The following CDH18 variants were observed in gnomAD, a reference collection of about 807,000 sequenced individuals.
The protein encoded by CDH18 is cadherin 18.
CDH18 carries 31 observed loss-of-function variants against 67.9 expected under a neutral mutation model. That is an observed-to-expected ratio of 0.46 (90% CI 0.34 to 0.62). The LOEUF is 0.62. CDH18 is among the 20% of genes least tolerant of loss of function. The pLI, the probability that CDH18 is intolerant of heterozygous loss-of-function variation, is 0.01. For missense variants in CDH18, 890 were observed against 975.5 expected, an observed-to-expected ratio of 0.91 and a Z score of 1.17; for synonymous variants, 362 against 347.2, an observed-to-expected ratio of 1.04 and a Z score of -0.48.
chr5:19,895,649 C>T (rs1411230195), intron 2 of CDH18, among the ~76,000 whole-genome samples: 3 of 152,152 alleles, frequency 2.0e-5, no homozygotes, highest in African/African-American at 7.2e-5. Flanking sequence ...ATAAACCATA[C>T]AGCCATACCA....
At chr5:20,398,876 C>T (rs1580906616) in intron 1 of CDH18, among the ~76,000 whole-genome samples, 2 of 142,246 alleles carry the variant, frequency 1.4e-5, no homozygotes, top group Non-Finnish European at 3.1e-5. Context: ...CGTATACCTA[C>T]GTAGAAAACC....
intron 7 of CDH18, among the ~76,000 whole-genome samples, chr5:19,572,369 T>G (rs567210321): frequency 6.6e-6 from 1 of 152,276 alleles, no homozygotes; most frequent in South Asian, 2.1e-4. Context: ...AATAGAGAAT[T>G]TTCATTTCTA....
chr5:20,188,479 G>GTCA (rs938718899), intron 2 of CDH18, among the ~76,000 whole-genome samples: 4 of 151,718 alleles, frequency 2.6e-5, no homozygotes, highest in Non-Finnish European at 4.4e-5. Flanking sequence ...TATAATTGTT[G>GTCA]TCATCATCAT....
At chr5:20,338,571 C>T (rs1456450710) in intron 1 of CDH18, among the ~76,000 whole-genome samples, 1 of 152,202 alleles carries the variant, frequency 6.6e-6, no homozygotes, top group Middle Eastern at 3.2e-3. Context: ...CAGATGTTTG[C>T]TTCTATGCTG....
chr5:20,352,339 C>T (rs973534631), intron 1 of CDH18, among the ~76,000 whole-genome samples: 1 of 151,590 alleles, frequency 6.6e-6, no homozygotes, highest in East Asian at 1.9e-4. Context: ...CTCTAGTTTA[C>T]TTTATTGTAA....
chr5:19,997,907 T>C (rs1736138353), intron 2 of CDH18, among the ~76,000 whole-genome samples: 1 of 152,116 alleles, frequency 6.6e-6, no homozygotes, highest in East Asian at 1.9e-4. Flanking sequence ...AAAGAGATAT[T>C]ACTCTAAAAT....
chr5:19,792,650 T>G (rs1776479728), intron 3 of CDH18, among the ~76,000 whole-genome samples: 1 of 152,206 alleles, frequency 6.6e-6, no homozygotes. Context: ...AAGGTAATTT[T>G]ATGTTACAGG....
At chr5:19,741,373 C>A (rs1769195165) in intron 4 of CDH18, among the ~76,000 whole-genome samples, 1 of 149,238 alleles carries the variant, frequency 6.7e-6, no homozygotes, top group African/African-American at 2.5e-5. Context: ...TATATGACAG[C>A]CAGTACCTTA....
At chr5:19,567,450 A>G in intron 8 of CDH18, among the ~76,000 whole-genome samples, 1 of 152,156 alleles carries the variant, frequency 6.6e-6, no homozygotes, top group Non-Finnish European at 1.5e-5. Context: ...AATTCTACAA[A>G]CTTGGAGTTG....
intron 2 of CDH18, among the ~76,000 whole-genome samples, chr5:19,942,806 G>T (rs1040329326): frequency 1.3e-5 from 2 of 152,166 alleles, no homozygotes; most frequent in African/African-American, 4.8e-5. Context: ...AACCTCAGGA[G>T]CATAGCCCCT....
intron 2 of CDH18, among the ~76,000 whole-genome samples, chr5:20,162,478 G>A (rs1735966219): frequency 7.2e-6 from 1 of 137,938 alleles, no homozygotes. Context: ...ACGATATATG[G>A]TAATAGACAT....
chr5:19,509,338 C>T (rs1266884197), intron 10 of CDH18, among the ~76,000 whole-genome samples: 1 of 151,994 alleles, frequency 6.6e-6, no homozygotes, highest in African/African-American at 2.4e-5. Flanking sequence ...ACCTGTTGGG[C>T]ACAATGTTCA....
chr5:20,570,683 G>A (rs1758765372), intron 1 of CDH18, among the ~76,000 whole-genome samples: 1 of 152,148 alleles, frequency 6.6e-6, no homozygotes, highest in Non-Finnish European at 1.5e-5. Flanking sequence ...TTAGTAAACA[G>A]CAGGGCTGGC....
chr5:20,311,676 G>T (rs908127247), intron 1 of CDH18, among the ~76,000 whole-genome samples: 37 of 152,052 alleles, frequency 2.4e-4, no homozygotes, highest in African/African-American at 8.5e-4. Flanking sequence ...GATAGCATTA[G>T]GAGAAATTCC....
chr5:19,743,793 C>T (rs1251824969), intron 4 of CDH18, among the ~76,000 whole-genome samples: 1 of 151,848 alleles, frequency 6.6e-6, no homozygotes, highest in Non-Finnish European at 1.5e-5. Flanking sequence ...TGGAGGCACA[C>T]GCCTGTAATC....
chr5:19,801,760 A>C (rs1489805921), intron 3 of CDH18, among the ~76,000 whole-genome samples: 2 of 152,198 alleles, frequency 1.3e-5, no homozygotes, highest in Non-Finnish European at 2.9e-5. Flanking sequence ...CAAAGTGCAG[A>C]ATAAAAAACA....
chr5:20,045,802 A>G (rs1740844921), intron 2 of CDH18, among the ~76,000 whole-genome samples: 1 of 152,060 alleles, frequency 6.6e-6, no homozygotes, highest in Non-Finnish European at 1.5e-5. Context: ...TGTCCCTGCC[A>G]TAGAGACATC....
At chr5:19,597,720 T>C (rs1746399524) in intron 6 of CDH18, among the ~76,000 whole-genome samples, 1 of 152,200 alleles carries the variant, frequency 6.6e-6, no homozygotes, top group Non-Finnish European at 1.5e-5. Flanking sequence ...ATTGAAGGCA[T>C]AGGTGATGCT....
rs182270785 is a variant in CDH18, at chr5:19,543,090, A to G, written c.1390+779T>C. ...CAAAACATTTCCTAAATGTATGTATAACCTCTTCGTACACTTTTAAAGTGA... is the reference window on the plus strand; with the variant it reads ...CAAAACATTTCCTAAATGTATGTATGACCTCTTCGTACACTTTTAAAGTGA... On this transcript the variant is annotated intron_variant, in intron 9 of 12. Coordinates refer to ENST00000382275, the MANE Select transcript of CDH18 (RefSeq NM_004934.5). Among the ~76,000 whole-genome samples, 283 of 152,234 alleles carry G rather than the reference A, an allele frequency of 1.9e-3. 2 individuals carry two copies. The highest frequency in any genetic ancestry group is 0.017 in the Admixed American group (258 of 15,280).
Sources: gnomAD v4.1 joint callset for allele counts (sites outside exome capture counted in the v4.1 genomes callset) on GRCh38, gnomAD v4.1.1 for gene constraint, MANE v1.5 for transcripts, NCBI Gene and HGNC (gene_info 2026-07-23, HGNC 2026-07-21) for gene names.